CCDC171: variants seen among roughly 807,000 people sequenced by gnomAD.
The protein encoded by CCDC171 is coiled-coil domain-containing protein 171.
In CCDC171, 177 loss-of-function variants were observed where a neutral mutation model predicts 168.2. The observed-to-expected ratio is 1.05, with a 90% CI of 0.93 to 1.19. CCDC171 has a LOEUF of 1.19. Among genes scored for constraint, CCDC171 ranks in the 50% most tolerant of loss-of-function variants. The pLI is 0.00. For synonymous variants in CCDC171, 687 were observed against 540.8 expected, an observed-to-expected ratio of 1.27 and a Z score of -3.75; for missense variants, 1,991 against 1,539.0, an observed-to-expected ratio of 1.29 and a Z score of -4.91.
intron 25 of CCDC171, among the ~76,000 whole-genome samples, chr9:15,921,021 G>A (rs1361177890): frequency 6.6e-6 from 1 of 151,484 alleles, no homozygotes; most frequent in Non-Finnish European, 1.5e-5. Flanking sequence ...AAAAATGAAT[G>A]TATTGTGACA....
intron 6 of CCDC171, among the ~76,000 whole-genome samples, chr9:15,601,882 A>G (rs774645275): frequency 3.9e-5 from 6 of 152,218 alleles, no homozygotes; most frequent in South Asian, 2.1e-4. Context: ...AGGCCTGTGT[A>G]TAAATATGTG....
intron 25 of CCDC171, among the ~76,000 whole-genome samples, chr9:15,935,589 T>C (rs1266879574): frequency 2.0e-5 from 3 of 152,106 alleles, no homozygotes; most frequent in African/African-American, 7.2e-5. Context: ...TAGCATATAA[T>C]ATAAATGTAA....
chr9:15,970,235 CACAT>C (rs147109878), intron 25 of CCDC171, among the ~76,000 whole-genome samples: 502 of 152,240 alleles, frequency 3.3e-3, no homozygotes, highest in African/African-American at 0.012. Context: ...AAAATGGTAA[CACAT>C]ACAACAGTTG....
At chr9:15,624,689 CA>C (rs1377994577) in intron 7 of CCDC171, among the ~76,000 whole-genome samples, 3 of 152,136 alleles carry the variant, frequency 2.0e-5, no homozygotes, top group African/African-American at 7.2e-5. Flanking sequence ...ATATGTGCCA[CA>C]TTTTCTTAAT....
intron 3 of CCDC171, among the ~76,000 whole-genome samples, chr9:15,988,557 G>T (rs576076979): frequency 2.0e-5 from 3 of 152,174 alleles, no homozygotes; most frequent in African/African-American, 4.8e-5. Context: ...CATCTCACTG[G>T]GGCTTGTCAG....
chr9:15,902,277 T>C (rs200006335), intron 24 of CCDC171, among the ~76,000 whole-genome samples: 84,948 of 142,668 alleles, frequency 0.6, 27,365 homozygotes, highest in East Asian at 0.77. Flanking sequence ...TATATATATA[T>C]ATATACACAC....
At chr9:16,050,951 C>G (rs910206219) in intron 1 of CCDC171, among the ~76,000 whole-genome samples, 81 of 152,178 alleles carry the variant, frequency 5.3e-4, no homozygotes, top group African/African-American at 1.9e-3. Flanking sequence ...ACTTTTTGAC[C>G]TCTTTATGAA....
intron 24 of CCDC171, among the ~76,000 whole-genome samples, chr9:15,907,483 C>G (rs559469425): frequency 4.4e-4 from 67 of 152,306 alleles, no homozygotes; most frequent in African/African-American, 1.5e-3. Context: ...GGATCCCTTC[C>G]TTACACCTCA....
intron 20 of CCDC171, among the ~76,000 whole-genome samples, chr9:15,782,304 C>T (rs2057704845): frequency 6.6e-6 from 1 of 152,150 alleles, no homozygotes; most frequent in South Asian, 2.1e-4. Flanking sequence ...AGCTAACTTC[C>T]CCAGTCTCAT....
chr9:15,590,548 C>G (rs539101070), intron 4 of CCDC171, among the ~76,000 whole-genome samples: 1 of 152,058 alleles, frequency 6.6e-6, no homozygotes, highest in Non-Finnish European at 1.5e-5. Context: ...TTGAGGTAAT[C>G]GGGTAGGAGG....
chr9:15,773,745 C>T (rs185730745), intron 18 of CCDC171, among the ~76,000 whole-genome samples: 18 of 151,462 alleles, frequency 1.2e-4, no homozygotes, highest in Admixed American at 1.1e-3. Context: ...GAATGAATTG[C>T]ACTCTGACCC....
intron 7 of CCDC171, among the ~76,000 whole-genome samples, chr9:15,642,341 GTGTATATATATATA>G (rs1467040684): frequency 0.01 from 415 of 40,956 alleles, 9 homozygotes; most frequent in African/African-American, 0.026. Flanking sequence ...ACGTGTGTGT[GTGTATATATATATA>G]TATATATATA....
At chr9:15,846,453 T>A (rs1314487737) in intron 21 of CCDC171, among the ~76,000 whole-genome samples, 4 of 152,156 alleles carry the variant, frequency 2.6e-5, no homozygotes, top group African/African-American at 4.8e-5. Flanking sequence ...AGAATACAAT[T>A]TGCCTTGCAG....
At chr9:16,078,603 TGCTAAACAAATAGGA>T in the CCDC171 span, among the ~76,000 whole-genome samples, 1 of 152,196 alleles carries the variant, frequency 6.6e-6, no homozygotes, top group Non-Finnish European at 1.5e-5. Flanking sequence ...CTTAGCACTG[TGCTAAACAAATAGGA>T]GCTGTTCAAG....
intron 6 of CCDC171, among the ~76,000 whole-genome samples, chr9:15,599,049 T>A (rs1444669260): frequency 6.6e-6 from 1 of 152,180 alleles, no homozygotes; most frequent in African/African-American, 2.4e-5. Flanking sequence ...TGTCTCTGCA[T>A]GTGAGATGGG....
intron 4 of CCDC171, among the ~76,000 whole-genome samples, chr9:15,585,049 C>T (rs276454): frequency 0.52 from 78,969 of 151,994 alleles, 20,689 homozygotes; most frequent in East Asian, 0.74. Context: ...GTAGATGTTA[C>T]TAAACACCTA....
At chr9:16,093,926 C>T in the CCDC171 span, among the ~76,000 whole-genome samples, 1 of 152,156 alleles carries the variant, frequency 6.6e-6, no homozygotes. Context: ...TAATGTCTCA[C>T]GCTTCTATGG....
At chr9:15,994,751 C>G (rs578082953) in intron 3 of CCDC171, among the ~76,000 whole-genome samples, 18 of 152,326 alleles carry the variant, frequency 1.2e-4, no homozygotes, top group African/African-American at 4.1e-4. Context: ...ACTATTCTTA[C>G]AATCACCTTG....
At chr9:15,827,627 T>A (rs1211747997) in intron 21 of CCDC171, among the ~76,000 whole-genome samples, 1 of 152,336 alleles carries the variant, frequency 6.6e-6, no homozygotes, top group South Asian at 2.1e-4. Context: ...TCTTTCCTTA[T>A]AATTATTAAA....
Sources: allele counts gnomAD v4.1 joint callset (sites outside exome capture counted in the v4.1 genomes callset), GRCh38; gene constraint gnomAD v4.1.1; transcripts MANE v1.5; gene names NCBI Gene and HGNC (gene_info 2026-07-23, HGNC 2026-07-21).